The following TNFSF4 variants were observed in gnomAD, a reference collection of about 807,000 sequenced individuals.
TNFSF4 encodes the protein tumor necrosis factor ligand superfamily member 4.
A neutral mutation model predicts 7.3 loss-of-function variants in TNFSF4; 4 were observed. The ratio of observed to expected loss-of-function variants is 0.55; its 90% CI spans 0.27 to 1.25. TNFSF4 has a LOEUF of 1.25. Among genes scored for constraint, TNFSF4 ranks in the 50% most tolerant of loss-of-function variants. The probability of loss-of-function intolerance (pLI) is 0.12; values close to 1 mark genes in which losing one functional copy is unlikely to be tolerated. For synonymous variants in TNFSF4, 76 were observed against 83.7 expected (o/e 0.91, Z 0.50); for missense variants, 181 against 208.8 (o/e 0.87, Z 0.82).
At chr1:173,389,787 C>T in the TNFSF4 span, among the ~76,000 whole-genome samples, 1 of 152,144 alleles carries the variant, frequency 6.6e-6, no homozygotes, top group Non-Finnish European at 1.5e-5. Context: ...TGCTCCATAA[C>T]TCTTCCTTTG....
At chr1:173,437,260 G>A in the TNFSF4 span, among the ~76,000 whole-genome samples, 1 of 152,134 alleles carries the variant, frequency 6.6e-6, no homozygotes, top group African/African-American at 2.4e-5. Flanking sequence ...TAATAAAACT[G>A]CTTTCCTGAG....
chr1:173,418,435 C>G, the TNFSF4 span: 1 of 152,090 alleles, frequency 6.6e-6, no homozygotes, highest in Non-Finnish European at 1.5e-5. Flanking sequence ...GGGGTGACAT[C>G]CAATATGTAA....
chr1:173,243,865 G>A, the TNFSF4 span, among the ~76,000 whole-genome samples: 1 of 152,166 alleles, frequency 6.6e-6, no homozygotes, highest in Non-Finnish European at 1.5e-5. Flanking sequence ...TCTGCTTTCA[G>A]TTTTGTCCCC....
the TNFSF4 span, among the ~76,000 whole-genome samples, chr1:173,289,000 T>C: frequency 2.0e-5 from 3 of 152,038 alleles, no homozygotes; most frequent in East Asian, 5.8e-4. Flanking sequence ...CCTGGAGGAA[T>C]TTCCAGACTA....
chr1:173,442,514 T>G, the TNFSF4 span, among the ~76,000 whole-genome samples: 4 of 151,852 alleles, frequency 2.6e-5, no homozygotes, highest in South Asian at 4.2e-4. Flanking sequence ...TTTTTGTTTG[T>G]TTGGTTTTCG....
At chr1:173,221,579 T>G in the TNFSF4 span, among the ~76,000 whole-genome samples, 1 of 152,140 alleles carries the variant, frequency 6.6e-6, no homozygotes, top group Non-Finnish European at 1.5e-5. Flanking sequence ...TTGGGCTGAG[T>G]AACTGTGTGG....
the TNFSF4 span, among the ~76,000 whole-genome samples, chr1:173,369,669 T>G: frequency 6.6e-6 from 1 of 152,100 alleles, no homozygotes; most frequent in East Asian, 1.9e-4. Context: ...TCATAAACCC[T>G]GAAAAAGAAG....
the TNFSF4 span, among the ~76,000 whole-genome samples, chr1:173,447,409 G>A: frequency 6.6e-6 from 1 of 152,136 alleles, no homozygotes; most frequent in Non-Finnish European, 1.5e-5. Context: ...TGAGGTTTCA[G>A]TATAGGTTCA....
At chr1:173,224,269 C>T in the TNFSF4 span, among the ~76,000 whole-genome samples, 5 of 152,104 alleles carry the variant, frequency 3.3e-5, no homozygotes, top group Admixed American at 6.5e-5. Context: ...AAGAAATAAA[C>T]GAGTGTGGGT....
the TNFSF4 span, among the ~76,000 whole-genome samples, chr1:173,413,567 T>C: frequency 6.6e-6 from 1 of 152,108 alleles, no homozygotes; most frequent in South Asian, 2.1e-4. Context: ...GAGGACTTGG[T>C]CATAGAAGAG....
intron 1 of TNFSF4, among the ~76,000 whole-genome samples, chr1:173,206,158 A>G (rs1193824856): frequency 6.6e-6 from 1 of 152,234 alleles, no homozygotes; most frequent in East Asian, 1.9e-4. Context: ...CCTAGAAAAC[A>G]AGATTATCAG....
chr1:173,256,005 T>A, the TNFSF4 span, among the ~76,000 whole-genome samples: 3 of 151,984 alleles, frequency 2.0e-5, no homozygotes, highest in Non-Finnish European at 4.4e-5. Flanking sequence ...CCTTGAAAAT[T>A]TCTTGAAAAG....
the TNFSF4 span, among the ~76,000 whole-genome samples, chr1:173,442,845 G>A: frequency 1.1e-4 from 17 of 151,726 alleles, no homozygotes; most frequent in South Asian, 2.1e-4. Context: ...CACTGTGCCC[G>A]GCCTAATTTT....
At chr1:173,349,531 G>A in the TNFSF4 span, among the ~76,000 whole-genome samples, 4 of 152,272 alleles carry the variant, frequency 2.6e-5, no homozygotes, top group South Asian at 2.1e-4. Context: ...TGCAGTATTA[G>A]TTCTGTCTCT....
the TNFSF4 span, among the ~76,000 whole-genome samples, chr1:173,384,839 A>G: frequency 6.6e-6 from 1 of 152,204 alleles, no homozygotes; most frequent in Non-Finnish European, 1.5e-5. Context: ...ATGTTCTTAT[A>G]TTTATGTGCT....
the TNFSF4 span, among the ~76,000 whole-genome samples, chr1:173,435,053 T>G: frequency 1.3e-5 from 2 of 152,184 alleles, no homozygotes; most frequent in African/African-American, 4.8e-5. Flanking sequence ...AATGGAAGGC[T>G]GAGGGGACTG....
the TNFSF4 span, among the ~76,000 whole-genome samples, chr1:173,242,208 T>C: frequency 6.6e-6 from 1 of 152,158 alleles, no homozygotes; most frequent in Non-Finnish European, 1.5e-5. Context: ...AGGATAAAGT[T>C]AGAGTGGCCA....
the TNFSF4 span, among the ~76,000 whole-genome samples, chr1:173,291,291 G>A: frequency 2.0e-5 from 3 of 151,994 alleles, no homozygotes; most frequent in African/African-American, 7.2e-5. Context: ...AGCATCAAGG[G>A]GATGGTGCTA....
At chr1:173,316,071 G>A in the TNFSF4 span, among the ~76,000 whole-genome samples, 1 of 152,096 alleles carries the variant, frequency 6.6e-6, no homozygotes, top group South Asian at 2.1e-4. Context: ...TGTATCTGAT[G>A]TAGGACAAAA....
Sources: allele counts gnomAD v4.1 joint callset (sites outside exome capture counted in the v4.1 genomes callset), GRCh38; gene constraint gnomAD v4.1.1; transcripts MANE v1.5; gene names NCBI Gene and HGNC (gene_info 2026-07-23, HGNC 2026-07-21).